WIPF3: variants seen among roughly 807,000 people sequenced by gnomAD.
WIPF3 encodes the protein WAS/WASL-interacting protein family member 3.
Under a neutral mutation model 38.9 loss-of-function variants are expected in WIPF3, and 33 were observed. The observed-to-expected ratio is 0.85, with a 90% CI of 0.64 to 1.14. The LOEUF (loss-of-function observed/expected upper bound fraction) is 1.14, where lower values mean the gene tolerates loss of function less well. Ranked by LOEUF, WIPF3 falls within the 50% of genes most tolerant of loss-of-function variation. The probability of loss-of-function intolerance (pLI) is 0.00; values close to 1 mark genes in which losing one functional copy is unlikely to be tolerated. For missense variants in WIPF3, 711 were observed against 652.5 expected (o/e 1.09, Z -0.98); for synonymous variants, 324 against 269.3 (o/e 1.20, Z -1.99).
intron 1 of WIPF3, among the ~76,000 whole-genome samples, chr7:29,826,899 C>G (rs1244269988): frequency 6.6e-6 from 1 of 152,190 alleles, no homozygotes; most frequent in Non-Finnish European, 1.5e-5. Context: ...GTACCAACTC[C>G]TCCACTAATG....
intron 2 of WIPF3, among the ~76,000 whole-genome samples, chr7:29,865,070 A>G (rs980812915): frequency 6.6e-6 from 1 of 152,174 alleles, no homozygotes; most frequent in African/African-American, 2.4e-5. Flanking sequence ...GCCTCCTTTA[A>G]TCTGCACTAC....
At chr7:29,893,618 C>T (rs1041414194) in intron 7 of WIPF3, among the ~76,000 whole-genome samples, 1 of 152,100 alleles carries the variant, frequency 6.6e-6, no homozygotes, top group African/African-American at 2.4e-5. Flanking sequence ...GTAAGGAATT[C>T]CTTTTATTAT....
chr7:29,863,918 C>T (rs1447653357), intron 2 of WIPF3, among the ~76,000 whole-genome samples: 1 of 152,178 alleles, frequency 6.6e-6, no homozygotes, highest in Non-Finnish European at 1.5e-5. Flanking sequence ...TATGACCTGA[C>T]TAAATTGACT....
chr7:29,913,858 C>T (rs1458539851), intron 8 of WIPF3, among the ~76,000 whole-genome samples: 3 of 152,212 alleles, frequency 2.0e-5, no homozygotes, highest in Non-Finnish European at 4.4e-5. Context: ...GATCTGGTCT[C>T]CAGCCTCACG....
At chr7:29,892,700 G>A (rs1020157187) in intron 7 of WIPF3, among the ~76,000 whole-genome samples, 9 of 152,224 alleles carry the variant, frequency 5.9e-5, no homozygotes, top group South Asian at 2.1e-4. Flanking sequence ...CCATTTGGCC[G>A]TGGTGAACTC....
intron 2 of WIPF3, among the ~76,000 whole-genome samples, chr7:29,860,270 G>A (rs898292907): frequency 1.3e-5 from 2 of 152,122 alleles, no homozygotes; most frequent in Non-Finnish European, 2.9e-5. Flanking sequence ...TTGGATACTT[G>A]TCTCCCCAAA....
chr7:29,866,404 A>G (rs558989780), intron 2 of WIPF3, among the ~76,000 whole-genome samples: 19 of 152,372 alleles, frequency 1.2e-4, no homozygotes, highest in African/African-American at 4.6e-4. Flanking sequence ...AGGAGAGAAG[A>G]GGCCCAACAC....
At chr7:29,877,074 G>A (rs148119934) in intron 3 of WIPF3, among the ~76,000 whole-genome samples, 3 of 152,278 alleles carry the variant, frequency 2.0e-5, no homozygotes, top group Non-Finnish European at 4.4e-5. Flanking sequence ...TGTGAATGAT[G>A]AAGATGACGT....
At chr7:29,832,218 T>C (rs539010860) in intron 1 of WIPF3, among the ~76,000 whole-genome samples, 1 of 152,332 alleles carries the variant, frequency 6.6e-6, no homozygotes, top group East Asian at 1.9e-4. Flanking sequence ...TAAAAATATT[T>C]TTGCCACTGA....
intron 1 of WIPF3, among the ~76,000 whole-genome samples, chr7:29,829,920 C>G (rs191216735): frequency 8.1e-4 from 123 of 152,284 alleles, no homozygotes; most frequent in African/African-American, 2.9e-3. Context: ...AGAATCTGTC[C>G]TTTTACATCC....
rs1323742357 is a variant in WIPF3 at position 29,884,099 on chromosome 7, C to T, written c.605C>T (p.Ser202Phe). 1.3e-6 allele frequency: 2 copies of T among 1,495,974 alleles called. No homozygotes were observed. Among genetic ancestry groups the T allele is most frequent in the African/African-American group, 1.4e-5 (1 of 69,286 alleles). 92.7% of individuals were successfully genotyped at this position (1,495,974 alleles called of 1,614,324 possible). ...SSSPIKTPLV[S>F]PPGPLTKGNL... The stretch of plus-strand genomic sequence containing the variant: ...TCCCCCATCAAAACTCCGCTTGTGT[C>T]CCCACCCGGCCCACTGACCAAAGGG... Residue 202 changes from serine (S) to phenylalanine (F), a missense_variant, in exon 5 of 9, where the codon TCC (serine) becomes TTC (phenylalanine). By Grantham distance (155) the Ser-to-Phe change is radical (BLOSUM62 -2). Coordinates refer to ENST00000242140, the MANE Select transcript of WIPF3 (RefSeq NM_001080529.3).
intron 2 of WIPF3, among the ~76,000 whole-genome samples, chr7:29,873,840 G>A (rs559401627): frequency 5.2e-4 from 79 of 152,202 alleles, no homozygotes; most frequent in Admixed American, 1.8e-3. Context: ...GTGAAAATGT[G>A]GACTCAACAC....
Position 29,902,861 on chromosome 7 carries a change from T to G in WIPF3, c.1352-1425T>G, listed in dbSNP as rs555396352. 4.4e-4 allele frequency among the ~76,000 whole-genome samples: 19 copies of G among 42,852 alleles called. No homozygotes were observed. In the Admixed American group the frequency reaches 4.8e-3, roughly 11 times the overall value. The allele number at this position is 42,852 out of a possible 152,430, so 28.1% of individuals were successfully genotyped here. On this transcript the variant is annotated intron_variant, in intron 7 of 8. Coordinates refer to ENST00000242140, the MANE Select transcript of WIPF3 (RefSeq NM_001080529.3). Reference sequence around the variant, plus strand: ...AACAAACAAACAAAAAAGAGCGTGTTTTTTTTTTTTAATGGTGATTCTACC... The same window carrying G: ...AACAAACAAACAAAAAAGAGCGTGTGTTTTTTTTTTAATGGTGATTCTACC...
chr7:29,878,979 T>G lies in WIPF3; in HGVS notation c.224-30T>G, dbSNP rs750882185. Reference sequence around the variant, plus strand: ...CTGGCTGCTCAGCTCTGCTCTCAAGTCCTTGCCTATTTGTGTCTTCTCTCT... The same window carrying G: ...CTGGCTGCTCAGCTCTGCTCTCAAGGCCTTGCCTATTTGTGTCTTCTCTCT... On this transcript the variant is annotated intron_variant, in intron 3 of 8. Transcript: ENST00000242140. The surrounding 1 kb of genome is among the most constrained non-coding windows in gnomAD (Gnocchi z 4.0). The G allele has an allele frequency of 1.4e-5, 22 of 1,573,806 alleles. No individual in the cohort carries two copies. In the South Asian group the frequency reaches 2.4e-4, roughly 17 times the overall value.
chr7:29,818,301 A>G (rs2128062262), intron 1 of WIPF3, among the ~76,000 whole-genome samples: 1 of 152,046 alleles, frequency 6.6e-6, no homozygotes, highest in East Asian at 1.9e-4. Flanking sequence ...TAAATATACA[A>G]AAATTAACTG....
rs554775515 is a variant in WIPF3 at position 29,828,575 on chromosome 7, G to A, written c.-57-6093G>A. Reference sequence around the variant, plus strand: ...TTCGCGCAAAAATCTAGATAGATATGGGGCTTTTGGAAGAGGGAAGTAGGG... The same window carrying A: ...TTCGCGCAAAAATCTAGATAGATATAGGGCTTTTGGAAGAGGGAAGTAGGG... On this transcript the variant is annotated intron_variant, in intron 1 of 8. Transcript: ENST00000242140. 5.9e-5 allele frequency among the ~76,000 whole-genome samples: 9 copies of A among 152,298 alleles called. No homozygotes were observed. In the East Asian group the frequency reaches 1.7e-3, roughly 29 times the overall value.
intron 4 of WIPF3, among the ~76,000 whole-genome samples, chr7:29,881,369 A>G (rs1583616910): frequency 6.6e-6 from 1 of 152,322 alleles, no homozygotes; most frequent in African/African-American, 2.4e-5. Context: ...GGTGCTCAGT[A>G]AATACTTGCT....
chr7:29,905,161 G>C (rs962482996), intron 8 of WIPF3: 1 of 152,216 alleles, frequency 6.6e-6, no homozygotes, highest in African/African-American at 2.4e-5. Flanking sequence ...GCTAGGATGA[G>C]TTCCTCAGAG....
intron 5 of WIPF3, among the ~76,000 whole-genome samples, chr7:29,886,399 T>A (rs1186941761): frequency 1.5e-5 from 2 of 130,910 alleles, no homozygotes; most frequent in Non-Finnish European, 3.2e-5. Context: ...CTCTGCCATC[T>A]AGGCTGGAGT....
Sources: gnomAD v4.1 joint callset for allele counts (sites outside exome capture counted in the v4.1 genomes callset) on GRCh38, gnomAD v4.1.1 for gene constraint, Gnocchi (gnomAD v3.1) non-coding constraint, MANE v1.5 for transcripts, NCBI Gene and HGNC (gene_info 2026-07-23, HGNC 2026-07-21) for gene names.